Variants in KCNMB2 observed in about 807,000 individuals in gnomAD.
The protein encoded by KCNMB2 is potassium calcium-activated channel subfamily M regulatory beta subunit 2.
KCNMB2 carries 9 observed loss-of-function variants against 24.5 expected under a neutral mutation model. The observed-to-expected ratio is 0.37, with a 90% CI of 0.22 to 0.64. The LOEUF is 0.64. KCNMB2 is among the 30% of genes least tolerant of loss of function. The pLI is 0.63. For synonymous variants in KCNMB2, 109 were observed against 104.4 expected (o/e 1.04, Z -0.27); for missense variants, 226 against 284.3 (o/e 0.79, Z 1.47).
intron 1 of KCNMB2, among the ~76,000 whole-genome samples, chr3:178,639,705 C>G (rs186750680): frequency 1.3e-5 from 2 of 152,336 alleles, no homozygotes; most frequent in Admixed American, 1.3e-4. Context: ...TTCTTCCACT[C>G]TCTGTGAGTT....
At chr3:178,621,023 T>C (rs1056022063) in intron 1 of KCNMB2, among the ~76,000 whole-genome samples, 2 of 152,216 alleles carry the variant, frequency 1.3e-5, no homozygotes, top group African/African-American at 2.4e-5. Flanking sequence ...GGCAAACTTT[T>C]GAAAGTTTTT....
intron 1 of KCNMB2, among the ~76,000 whole-genome samples, chr3:178,610,536 A>T (rs1353627008): frequency 6.6e-6 from 1 of 151,928 alleles, no homozygotes; most frequent in African/African-American, 2.4e-5. Flanking sequence ...ATTACTTTTT[A>T]ATTTCTTTTT....
At chr3:178,553,249 C>A (rs1244664708) in intron 1 of KCNMB2, among the ~76,000 whole-genome samples, 1 of 152,174 alleles carries the variant, frequency 6.6e-6, no homozygotes, top group East Asian at 1.9e-4. Context: ...TATTATCCTA[C>A]CTAAGTACAA....
chr3:178,828,049 C>A, intron 3 of KCNMB2, 129 bp from the exon 4 acceptor site: 1 of 719,118 alleles, frequency 1.4e-6, no homozygotes, highest in African/African-American at 1.8e-5. Flanking sequence ...AAACTTTACA[C>A]AGATAGATCA....
At chr3:178,753,869 C>T (rs1723931023) in intron 1 of KCNMB2, among the ~76,000 whole-genome samples, 1 of 151,850 alleles carries the variant, frequency 6.6e-6, no homozygotes, top group Non-Finnish European at 1.5e-5. Context: ...ATCACCATGT[C>T]GTAGGATGAA....
intron 1 of KCNMB2, among the ~76,000 whole-genome samples, chr3:178,550,762 G>A (rs979460268): frequency 2.0e-5 from 3 of 152,164 alleles, no homozygotes; most frequent in East Asian, 1.9e-4. Context: ...TAGCATCTCG[G>A]TGCCTCAGTT....
At chr3:178,830,237 G>C (rs1381281242) in intron 4 of KCNMB2, among the ~76,000 whole-genome samples, 1 of 152,080 alleles carries the variant, frequency 6.6e-6, no homozygotes, top group Non-Finnish European at 1.5e-5. Flanking sequence ...CTTTCTGTCT[G>C]GTTTTCTTCA....
In KCNMB2 at chr3:178,592,510, G is replaced by T. The variant is rs149976404; in HGVS notation, c.-68+55799G>T. 7.2e-4 allele frequency among the ~76,000 whole-genome samples: 109 copies of T among 152,112 alleles called. 1 individual carries two copies. Among genetic ancestry groups the T allele is most frequent in the African/African-American group, 2.5e-3 (105 of 41,470 alleles). ...GCTTGATACACAAATGGCTGAAAAG[G>T]GATAATTGTATTTGCAATTATTATG... On this transcript the variant is annotated intron_variant, in intron 1 of 4. Transcript: ENST00000452583.
chr3:178,742,096 C>T (rs958633426), intron 1 of KCNMB2, among the ~76,000 whole-genome samples: 1 of 152,120 alleles, frequency 6.6e-6, no homozygotes, highest in Non-Finnish European at 1.5e-5. Flanking sequence ...GACTACAGAA[C>T]GATAGCATTG....
chr3:178,704,895 A>T (rs1361739534), intron 1 of KCNMB2, among the ~76,000 whole-genome samples: 2 of 151,908 alleles, frequency 1.3e-5, no homozygotes, highest in Non-Finnish European at 2.9e-5. Flanking sequence ...TCAGTTCCTG[A>T]CTCCTATAAG....
chr3:178,538,579 A>C (rs1250524081), intron 1 of KCNMB2, among the ~76,000 whole-genome samples: 1 of 152,210 alleles, frequency 6.6e-6, no homozygotes, highest in Non-Finnish European at 1.5e-5. Flanking sequence ...TTTACTTTAG[A>C]GGCAATTCGT....
At chr3:178,746,112 A>G (rs1358087165) in intron 1 of KCNMB2, among the ~76,000 whole-genome samples, 1 of 152,184 alleles carries the variant, frequency 6.6e-6, no homozygotes, top group Non-Finnish European at 1.5e-5. Flanking sequence ...TCCCTTCTGC[A>G]TTGCCCTAGC....
At chr3:178,639,263 A>G (rs977962726) in intron 1 of KCNMB2, among the ~76,000 whole-genome samples, 1 of 152,188 alleles carries the variant, frequency 6.6e-6, no homozygotes, top group African/African-American at 2.4e-5. Flanking sequence ...AGATCATATC[A>G]CTATTTTCCA....
At chr3:178,800,726 C>T (rs1250841001) in intron 1 of KCNMB2, among the ~76,000 whole-genome samples, 1 of 152,134 alleles carries the variant, frequency 6.6e-6, no homozygotes, top group African/African-American at 2.4e-5. Flanking sequence ...ACCTGTACTA[C>T]CACGTTTGTT....
intron 1 of KCNMB2, among the ~76,000 whole-genome samples, chr3:178,656,577 A>C (rs1355583614): frequency 2.0e-5 from 3 of 152,016 alleles, no homozygotes; most frequent in Non-Finnish European, 4.4e-5. Context: ...GTTTGAGACC[A>C]GTCTGGACAA....
At chr3:178,754,177 T>TATATATATATATACAC (rs1435109631) in intron 1 of KCNMB2, among the ~76,000 whole-genome samples, 192 of 117,156 alleles carry the variant, frequency 1.6e-3, no homozygotes, top group African/African-American at 6.5e-3. Context: ...TATATATATA[T>TATATATATATATACAC]ACACACACAC....
At chr3:178,726,459 G>A (rs1003399005) in intron 1 of KCNMB2, among the ~76,000 whole-genome samples, 1 of 151,832 alleles carries the variant, frequency 6.6e-6, no homozygotes, top group African/African-American at 2.4e-5. Context: ...TTTTAGAGTA[G>A]GTCTGATGGC....
rs115143737 is a variant in KCNMB2 at position 178,634,274 on chromosome 3, C to A, written c.-68+97563C>A. On this transcript the variant is annotated intron_variant, in intron 1 of 4. Transcript: ENST00000452583. ...CTTTACAGCAGCACTCCACTCTCTG[C>A]AGTCCCAATTTACTGTATTAGTCCG... is the stretch of plus-strand genomic sequence containing the variant. Among the ~76,000 whole-genome samples, 1,090 of 152,266 alleles carry A rather than the reference C, an allele frequency of 7.2e-3. 13 individuals are homozygous for A. The highest frequency in any genetic ancestry group is 0.025 in the African/African-American group (1,056 of 41,562).
chr3:178,729,818 T>C (rs935787452), intron 1 of KCNMB2, among the ~76,000 whole-genome samples: 1 of 152,170 alleles, frequency 6.6e-6, no homozygotes, highest in African/African-American at 2.4e-5. Flanking sequence ...GGTTTTGCTT[T>C]TGTGCCACAT....
Sources: allele counts gnomAD v4.1 joint callset (sites outside exome capture counted in the v4.1 genomes callset), GRCh38; gene constraint gnomAD v4.1.1; transcripts MANE v1.5; gene names NCBI Gene and HGNC (gene_info 2026-07-23, HGNC 2026-07-21).